Variants in DCBLD1 observed in about 807,000 individuals in gnomAD.
DCBLD1 encodes the protein discoidin, CUB and LCCL domain-containing protein 1.
In DCBLD1, 57 loss-of-function variants were observed where a neutral mutation model predicts 71.5. The observed-to-expected ratio is 0.80, with a 90% CI of 0.64 to 0.99. DCBLD1 has a LOEUF of 0.99. DCBLD1 is among the 50% of genes least tolerant of loss of function. DCBLD1 has a pLI of 0.00. For missense variants in DCBLD1, 891 were observed against 923.5 expected (o/e 0.96, Z 0.46); for synonymous variants, 380 against 363.8 (o/e 1.04, Z -0.51).
chr6:117,522,445 T>C (rs1778415763), intron 4 of DCBLD1, among the ~76,000 whole-genome samples: 1 of 152,036 alleles, frequency 6.6e-6, no homozygotes, highest in African/African-American at 2.4e-5. Flanking sequence ...ACTGTTTTTT[T>C]TTTTCTCTTT....
chr6:117,502,083 T>G (rs1313884336), intron 1 of DCBLD1, among the ~76,000 whole-genome samples: 2 of 152,208 alleles, frequency 1.3e-5, no homozygotes, highest in Non-Finnish European at 2.9e-5. Context: ...GCCTGCCTAC[T>G]GCTCCTCTGA....
chr6:117,516,100 T>TC (rs371818612), intron 2 of DCBLD1, among the ~76,000 whole-genome samples: 1 of 152,078 alleles, frequency 6.6e-6, no homozygotes, highest in African/African-American at 2.4e-5. Context: ...ACACCTGTAA[T>TC]CCCAGCACTT....
chr6:117,531,234 T>C (rs1049787239), intron 5 of DCBLD1, among the ~76,000 whole-genome samples: 5 of 152,250 alleles, frequency 3.3e-5, no homozygotes, highest in African/African-American at 1.2e-4. Flanking sequence ...TGAGTCCAGT[T>C]ACTGAGATAA....
At chr6:117,540,509 G>A in intron 9 of DCBLD1, 159 bp from the exon 10 acceptor site, 1 of 801,842 alleles carries the variant, frequency 1.2e-6, no homozygotes, top group Non-Finnish European at 1.9e-6. Context: ...ATTGGCCCTT[G>A]TTTGCAAAGC....
At chr6:117,516,076 G>A (rs748055048) in intron 2 of DCBLD1, among the ~76,000 whole-genome samples, 13 of 151,910 alleles carry the variant, frequency 8.6e-5, no homozygotes, top group South Asian at 2.1e-4. Flanking sequence ...AGTATTGGTC[G>A]GGCGCGGTGG....
intron 1 of DCBLD1, among the ~76,000 whole-genome samples, chr6:117,493,070 C>T (rs943432797): frequency 6.6e-6 from 1 of 152,092 alleles, no homozygotes; most frequent in African/African-American, 2.4e-5. Flanking sequence ...CAGATGTGTT[C>T]CAATTTTAGG....
intron 5 of DCBLD1, 31 bp from the exon 6 acceptor site, chr6:117,532,229 A>C: frequency 1.9e-6 from 3 of 1,562,614 alleles, no homozygotes; most frequent in Non-Finnish European, 1.7e-6. Context: ...TGTTCTTTTA[A>C]GTTCTGCATA....
At chr6:117,556,317 C>G (rs1297503278) in intron 14 of DCBLD1, among the ~76,000 whole-genome samples, 1 of 152,114 alleles carries the variant, frequency 6.6e-6, no homozygotes. Flanking sequence ...TAACCATCAC[C>G]TGAATACTGA....
downstream of DCBLD1, among the ~76,000 whole-genome samples, chr6:117,550,824 C>A (rs935691627): frequency 3.3e-5 from 5 of 152,204 alleles, no homozygotes; most frequent in African/African-American, 1.2e-4. Flanking sequence ...CATTCATGCA[C>A]GTACCAAATA....
In DCBLD1 at chr6:117,515,949, A is replaced by C. The variant is rs1043752552; in HGVS notation, c.326-3867A>C. Reference sequence around the variant, plus strand: ...AGGGATGGATATAAAAGTTCCTTGCACTATGGAACACAGTCTGAAGAGAAA... The same window carrying C: ...AGGGATGGATATAAAAGTTCCTTGCCCTATGGAACACAGTCTGAAGAGAAA... On this transcript the variant is annotated intron_variant, in intron 2 of 14. Transcript: ENST00000338728. 2.6e-5 allele frequency among the ~76,000 whole-genome samples: 4 copies of C among 152,336 alleles called. No individual in the cohort carries two copies. The Middle Eastern group carries it at 0.01, about 389-fold the overall frequency.
In DCBLD1 at chr6:117,538,655, C is replaced by G. The variant is rs1326753877; in HGVS notation, c.796C>G (p.Gln266Glu). 1 of 1,613,874 alleles carries G rather than the reference C, an allele frequency of 6.2e-7. No individual in the cohort carries two copies. Among genetic ancestry groups the G allele is most frequent in the African/African-American group, 1.3e-5 (1 of 74,864 alleles). The change falls in exon 8 of 15, where the codon CAA becomes GAA. Residue 266 changes from glutamine to glutamate, a missense_variant. By Grantham distance (29) the Gln-to-Glu change is conservative. Coordinates refer to ENST00000338728, the MANE Select transcript of DCBLD1 (RefSeq NM_001366458.2). ...ATCCTTGAGTTTTGAACCTGACGGG[C>G]AAATCAGAGCTTCTTCCTCATGGCA... is the stretch of plus-strand genomic sequence containing the variant. ...SRSLSFEPDG[Q>E]IRASSSWQSV... is the part of the protein sequence containing the mutation.
intron 14 of DCBLD1, among the ~76,000 whole-genome samples, chr6:117,557,120 G>C (rs1779504512): frequency 6.6e-6 from 1 of 152,102 alleles, no homozygotes. Flanking sequence ...AATCAAGCTT[G>C]TTGTTCAAAT....
At chr6:117,529,013 T>C (rs915641013) in intron 5 of DCBLD1, among the ~76,000 whole-genome samples, 1 of 152,142 alleles carries the variant, frequency 6.6e-6, no homozygotes, top group African/African-American at 2.4e-5. Flanking sequence ...GCTAATTTTT[T>C]GTATTTTTAG....
intron 1 of DCBLD1, 43 bp downstream of exon 1, chr6:117,482,936 AG>A: frequency 2.6e-6 from 3 of 1,154,658 alleles, no homozygotes; most frequent in Non-Finnish European, 3.2e-6. Context: ...CCGAGGCGCC[AG>A]GGGCGGGCTG....
intron 12 of DCBLD1, chr6:117,544,258 A>C: frequency 2.9e-6 from 1 of 340,526 alleles, no homozygotes; most frequent in Non-Finnish European, 5.2e-6. Flanking sequence ...GCTAGTGATA[A>C]ACTTAATAAG....
intron 5 of DCBLD1, among the ~76,000 whole-genome samples, chr6:117,531,834 T>C (rs1244860292): frequency 6.6e-6 from 1 of 152,242 alleles, no homozygotes. Context: ...CTGGATCTGT[T>C]ATCGATTTCT....
chr6:117,545,683 C>A, intron 14 of DCBLD1, 86 bp downstream of exon 14: 1 of 1,518,740 alleles, frequency 6.6e-7, no homozygotes, highest in Non-Finnish European at 8.8e-7. Flanking sequence ...AAGGCAAAAT[C>A]CTTTTCTATT....
Position 117,545,603 on chromosome 6 carries a change from T to C in DCBLD1, c.1615+6T>C, listed in dbSNP as rs9689685. On this transcript the variant is annotated splice_donor_region_variant and intron_variant, in intron 14 of 14. Coordinates refer to ENST00000338728, the MANE Select transcript of DCBLD1 (RefSeq NM_001366458.2). ...CATCACAAGTGATATGGCAGGTAAG[T>C]GTCATATTTCTAGGACTGTGCTATT... The C allele has an allele frequency of 6.2e-7, 1 of 1,613,426 alleles. No individual in the cohort carries two copies. The highest frequency in any genetic ancestry group is 8.5e-7 in the Non-Finnish European group (1 of 1,179,716).
rs569870005 is a variant in DCBLD1 at position 117,542,870 on chromosome 6, G to A, written c.1358-254G>A. On this transcript the variant is annotated intron_variant, in intron 11 of 14. Coordinates refer to ENST00000338728, the MANE Select transcript of DCBLD1 (RefSeq NM_001366458.2). ...ATATGGGCCAAGCAACAAGCCCAGT[G>A]TGCCTGTTAGTCCCTGAGGAACATT... is the stretch of plus-strand genomic sequence containing the variant. Among the ~76,000 whole-genome samples, 79 of 152,228 alleles carry A rather than the reference G, an allele frequency of 5.2e-4. No homozygotes were observed. In the South Asian group the frequency reaches 0.013, roughly 24 times the overall value.
Sources: allele counts gnomAD v4.1 joint callset (sites outside exome capture counted in the v4.1 genomes callset), GRCh38; gene constraint gnomAD v4.1.1; transcripts MANE v1.5; gene names NCBI Gene and HGNC (gene_info 2026-07-23, HGNC 2026-07-21).